Variants in ZBTB8A observed in about 807,000 individuals in gnomAD.
The protein encoded by ZBTB8A is zinc finger and BTB domain-containing protein 8A.
A neutral mutation model predicts 37.8 loss-of-function variants in ZBTB8A; 19 were observed. The observed-to-expected ratio is 0.50, with a 90% CI of 0.35 to 0.74. ZBTB8A has a LOEUF of 0.74. Ranked by LOEUF, ZBTB8A falls within the 30% of genes least tolerant of loss-of-function variation. The pLI is 0.01. For synonymous variants in ZBTB8A, 181 were observed against 185.2 expected, an observed-to-expected ratio of 0.98 and a Z score of 0.19; for missense variants, 394 against 537.8, an observed-to-expected ratio of 0.73 and a Z score of 2.65.
intron 2 of ZBTB8A, among the ~76,000 whole-genome samples, chr1:32,581,506 C>T (rs540884093): frequency 9.9e-5 from 15 of 150,910 alleles, no homozygotes; most frequent in African/African-American, 3.4e-4. Flanking sequence ...CGCACGCCAA[C>T]ATGTCTGGCT....
chr1:32,557,283 C>T (rs1183535706), intron 2 of ZBTB8A, among the ~76,000 whole-genome samples: 1 of 152,154 alleles, frequency 6.6e-6, no homozygotes, highest in Non-Finnish European at 1.5e-5. Context: ...GCCTGGGCAA[C>T]AGAGCCAGAC....
At chr1:32,564,693 T>C (rs547414681) in intron 2 of ZBTB8A, among the ~76,000 whole-genome samples, 2 of 152,136 alleles carry the variant, frequency 1.3e-5, no homozygotes, top group Admixed American at 6.6e-5. Flanking sequence ...GTAGAACCAA[T>C]AGTTTCTCTC....
At chr1:32,579,375 CGGG>C in intron 2 of ZBTB8A, among the ~76,000 whole-genome samples, 1 of 150,878 alleles carries the variant, frequency 6.6e-6, no homozygotes, top group Non-Finnish European at 1.5e-5. Flanking sequence ...CACTTCAACC[CGGG>C]AGGCGGAGGT....
At chr1:32,568,588 A>G (rs1336970379) in intron 2 of ZBTB8A, among the ~76,000 whole-genome samples, 3 of 152,120 alleles carry the variant, frequency 2.0e-5, no homozygotes, top group East Asian at 1.9e-4. Context: ...GGGTTTCACC[A>G]TGTTAGCCAG....
At chr1:32,561,449 C>T (rs551701750) in intron 2 of ZBTB8A, among the ~76,000 whole-genome samples, 2 of 152,272 alleles carry the variant, frequency 1.3e-5, no homozygotes, top group African/African-American at 4.8e-5. Flanking sequence ...TTGCCTCTTC[C>T]TAGCTTCTGG....
rs138556830 is a variant in ZBTB8A, at chr1:32,545,793, A to T, written c.-84+6221A>T. 1.6e-4 allele frequency among the ~76,000 whole-genome samples: 25 copies of T among 152,178 alleles called. No individual in the cohort carries two copies. In the East Asian group the frequency reaches 4.6e-3, roughly 28 times the overall value. On this transcript the variant is annotated intron_variant, in intron 1 of 4. Coordinates refer to ENST00000373510, the MANE Select transcript of ZBTB8A (RefSeq NM_001040441.3). ...CTTTTGCCCTCTTTCTCATGTATAA[A>T]CTTCTTTTCATCCTTCAAGACCCAA...
intron 1 of ZBTB8A, among the ~76,000 whole-genome samples, chr1:32,541,149 T>C (rs1276610016): frequency 2.6e-5 from 4 of 152,246 alleles, no homozygotes; most frequent in Admixed American, 6.5e-5. Flanking sequence ...ATTTGATGTG[T>C]TTGATTCCCT....
chr1:32,593,469 T>C lies in ZBTB8A; in HGVS notation c.538T>C (p.Trp180Arg). ...AACAGGTATAATAAGTGGAAAATCT[T>C]GGAATAAGTATAATTATCATCCAGC... ...QGTGIISGKS[W>R]NKYNYHPASQ... Residue 180 changes from tryptophan to arginine, a missense_variant, in exon 3 of 5, where the codon TGG becomes CGG. This residue lies in a region of ZBTB8A where 171 missense variants were observed against 186.8 expected (regional missense o/e 0.92). Coordinates refer to ENST00000373510, the MANE Select transcript of ZBTB8A (RefSeq NM_001040441.3). The C allele has an allele frequency of 6.2e-7, 1 of 1,614,028 alleles. No individual in the cohort carries two copies. Among genetic ancestry groups the C allele is most frequent in the South Asian group, 1.1e-5 (1 of 91,086 alleles).
intron 2 of ZBTB8A, among the ~76,000 whole-genome samples, chr1:32,565,845 C>T (rs1461438910): frequency 6.6e-6 from 1 of 152,060 alleles, no homozygotes; most frequent in African/African-American, 2.4e-5. Context: ...AACAGAGACT[C>T]ATACCTTTTG....
At chr1:32,543,010 A>C (rs1473916831) in intron 1 of ZBTB8A, among the ~76,000 whole-genome samples, 2 of 152,226 alleles carry the variant, frequency 1.3e-5, no homozygotes, top group African/African-American at 4.8e-5. Context: ...AATGCATGTT[A>C]TGTTAAAATC....
At position 32,601,639 on chromosome 1, in the gene ZBTB8A, G is replaced by A; in HGVS notation, c.*1220G>A. 1 of 398,578 alleles carries A rather than the reference G, an allele frequency of 2.5e-6. No homozygotes were observed. The highest frequency in any genetic ancestry group is 4.4e-6 in the Non-Finnish European group (1 of 226,060). The allele number at this position is 398,578 out of a possible 1,614,324, so 24.7% of individuals were successfully genotyped here. On this transcript the variant is annotated 3_prime_UTR_variant, in exon 5 of 5. Transcript: ENST00000373510. ...AGGAAATTAAGGTCAGAAAGTCTGA[G>A]AGAGAAAACTGATGATTGGACAGGA... is the stretch of plus-strand genomic sequence containing the variant.
intron 2 of ZBTB8A, among the ~76,000 whole-genome samples, chr1:32,566,052 A>G (rs866128084): frequency 3.2e-4 from 49 of 152,208 alleles, no homozygotes; most frequent in Middle Eastern, 6.8e-3. Flanking sequence ...ATACAAAAAA[A>G]TTAGCCAGGC....
intron 2 of ZBTB8A, among the ~76,000 whole-genome samples, chr1:32,567,818 A>ACAAAC (rs1458656673): frequency 0.31 from 7,236 of 23,016 alleles, 1,473 homozygotes; most frequent in African/African-American, 0.48. Flanking sequence ...AAAAAAAAAA[A>ACAAAC]AAAAACAAAA....
intron 2 of ZBTB8A, among the ~76,000 whole-genome samples, chr1:32,587,324 C>G (rs1171549374): frequency 1.3e-5 from 2 of 152,048 alleles, no homozygotes; most frequent in Non-Finnish European, 2.9e-5. Flanking sequence ...TGGGATTTTG[C>G]TATTCTGAAG....
In ZBTB8A at chr1:32,582,459, C is replaced by A. The variant is rs1207023704; in HGVS notation, c.-1-10472C>A. Among the ~76,000 whole-genome samples, 4 of 152,160 alleles carry A rather than the reference C, an allele frequency of 2.6e-5. No individual in the cohort carries two copies. The East Asian group carries it at 7.7e-4, about 29-fold the overall frequency. On this transcript the variant is annotated intron_variant, in intron 2 of 4. Coordinates refer to ENST00000373510, the MANE Select transcript of ZBTB8A (RefSeq NM_001040441.3). ...GGTCAGGAGTTTGAGACCAGCCTGACAAACATGAAGAAACCCTGTCTCTAC... is the reference window on the plus strand; with the variant it reads ...GGTCAGGAGTTTGAGACCAGCCTGAAAAACATGAAGAAACCCTGTCTCTAC...
intron 2 of ZBTB8A, among the ~76,000 whole-genome samples, chr1:32,555,431 T>A (rs1359561023): frequency 6.6e-6 from 1 of 152,110 alleles, no homozygotes; most frequent in East Asian, 1.9e-4. Context: ...AGGTTGCATA[T>A]GAGGATTAAA....
rs550815300 is a variant in ZBTB8A, at chr1:32,604,938, G to C, written c.*4519G>C. The stretch of plus-strand genomic sequence containing the variant: ...GGCCGAGGCGGGCGGATCACTTAAG[G>C]CCAGGTGTTCGAGACCATCCTGGCC... On this transcript the variant is annotated 3_prime_UTR_variant, in exon 5 of 5. Coordinates refer to ENST00000373510, the MANE Select transcript of ZBTB8A (RefSeq NM_001040441.3). 1 of 151,900 alleles carries C rather than the reference G, an allele frequency of 6.6e-6. No homozygotes were observed. The highest frequency in any genetic ancestry group is 1.5e-5 in the Non-Finnish European group (1 of 67,982). The allele number at this position is 151,900 out of a possible 1,614,324, so 9.4% of individuals were successfully genotyped here.
intron 2 of ZBTB8A, among the ~76,000 whole-genome samples, chr1:32,569,153 G>A (rs1644306346): frequency 6.6e-6 from 1 of 152,130 alleles, no homozygotes; most frequent in Non-Finnish European, 1.5e-5. Context: ...CTTTAGCCAT[G>A]ATGGTGGGTG....
At chr1:32,547,828 C>CAAAAAAAAAAAAAAAAAAAA (rs1194254576) in intron 1 of ZBTB8A, among the ~76,000 whole-genome samples, 1 of 30,478 alleles carries the variant, frequency 3.3e-5, no homozygotes. Flanking sequence ...ACAAACAAAG[C>CAAAAAAAAAAAAAAAAAAAA]AAAAAAAAAA....
Sources: allele counts gnomAD v4.1 joint callset (sites outside exome capture counted in the v4.1 genomes callset), GRCh38; gene constraint gnomAD v4.1.1; regional missense constraint gnomAD v4.1.1; transcripts MANE v1.5; gene names NCBI Gene and HGNC (gene_info 2026-07-23, HGNC 2026-07-21).